The following CCSER1 variants were observed in gnomAD, a reference collection of about 807,000 sequenced individuals.
CCSER1 encodes serine-rich coiled-coil domain-containing protein 1.
A neutral mutation model predicts 82.0 loss-of-function variants in CCSER1; 41 were observed. That is an observed-to-expected ratio of 0.50 (90% confidence interval 0.39 to 0.65). The LOEUF (loss-of-function observed/expected upper bound fraction) is 0.65. Among genes scored for constraint, CCSER1 ranks in the 30% least tolerant of loss-of-function variants. The pLI is 0.00. For synonymous variants in CCSER1, 414 were observed against 383.9 expected (o/e 1.08, Z -0.92); for missense variants, 1,119 against 1,064.2 (o/e 1.05, Z -0.72).
At chr4:91,125,587 T>C (rs1727438346) in intron 10 of CCSER1, among the ~76,000 whole-genome samples, 1 of 151,764 alleles carries the variant, frequency 6.6e-6, no homozygotes, top group African/African-American at 2.4e-5. Context: ...AACACATGGA[T>C]TTTGTTTGAA....
intron 1 of CCSER1, among the ~76,000 whole-genome samples, chr4:90,242,002 T>C (rs1479832242): frequency 6.6e-6 from 1 of 152,080 alleles, no homozygotes; most frequent in Non-Finnish European, 1.5e-5. Context: ...TACCTTTATC[T>C]ACCATGAAAA....
intron 9 of CCSER1, among the ~76,000 whole-genome samples, chr4:90,956,944 C>CTTTTTT (rs35180536): frequency 7.7e-6 from 1 of 129,342 alleles, no homozygotes; most frequent in African/African-American, 2.9e-5. Context: ...CACAACCAGC[C>CTTTTTT]TTTTTTTTTT....
chr4:90,518,686 T>C (rs964730883), intron 5 of CCSER1, among the ~76,000 whole-genome samples: 3 of 151,998 alleles, frequency 2.0e-5, no homozygotes, highest in Non-Finnish European at 4.4e-5. Context: ...GAAAATATCA[T>C]CTCAAACTTT....
intron 3 of CCSER1, among the ~76,000 whole-genome samples, chr4:90,391,227 C>T (rs1469945744): frequency 4.6e-5 from 6 of 131,634 alleles, no homozygotes; most frequent in Non-Finnish European, 6.2e-5. Flanking sequence ...GAGCCGAGAT[C>T]GTGCCATTGC....
chr4:90,158,203 C>T (rs911342820), intron 1 of CCSER1, among the ~76,000 whole-genome samples: 111 of 152,272 alleles, frequency 7.3e-4, no homozygotes, highest in African/African-American at 2.6e-3. Flanking sequence ...TTTCGTGAAC[C>T]GCAAATGCTG....
chr4:90,771,565 T>TAAAAAAAAA (rs34848155), intron 7 of CCSER1, among the ~76,000 whole-genome samples: 5 of 98,348 alleles, frequency 5.1e-5, no homozygotes, highest in East Asian at 2.6e-4. Flanking sequence ...TGCCGGGCAC[T>TAAAAAAAAA]AAAAAAAAAA....
intron 5 of CCSER1, among the ~76,000 whole-genome samples, chr4:90,626,482 G>A (rs977048136): frequency 1.3e-4 from 20 of 152,250 alleles, no homozygotes; most frequent in Middle Eastern, 3.4e-3. Context: ...GTTGCAATTA[G>A]ACATAATATA....
intron 6 of CCSER1, among the ~76,000 whole-genome samples, chr4:90,704,515 T>C (rs1009628584): frequency 5.9e-5 from 9 of 152,222 alleles, no homozygotes; most frequent in African/African-American, 2.2e-4. Context: ...ATTTGAATGT[T>C]GGCCTGCCTT....
chr4:91,318,878 T>C (rs1293833829), intron 10 of CCSER1, among the ~76,000 whole-genome samples: 1 of 152,038 alleles, frequency 6.6e-6, no homozygotes, highest in Admixed American at 6.6e-5. Context: ...ATTGTGCATA[T>C]TCCCTCATTA....
intron 1 of CCSER1, 96 bp downstream of exon 1, chr4:90,127,927 G>C (rs1035183958): frequency 6.6e-5 from 10 of 151,796 alleles, no homozygotes; most frequent in Admixed American, 2.0e-4. Context: ...ATGACCGCTC[G>C]GCAGGTGACC....
At chr4:90,573,221 C>T (rs1402601812) in intron 5 of CCSER1, among the ~76,000 whole-genome samples, 2 of 152,232 alleles carry the variant, frequency 1.3e-5, no homozygotes, top group Non-Finnish European at 2.9e-5. Context: ...GCCTGAAGCA[C>T]AGTGCAGCTG....
intron 5 of CCSER1, among the ~76,000 whole-genome samples, chr4:90,596,267 T>G (rs908761034): frequency 1.3e-5 from 2 of 151,930 alleles, no homozygotes; most frequent in African/African-American, 4.8e-5. Context: ...GTCAAATTAT[T>G]TATGATCATT....
chr4:90,604,897 C>G (rs900541754), intron 5 of CCSER1, among the ~76,000 whole-genome samples: 2 of 152,148 alleles, frequency 1.3e-5, no homozygotes, highest in African/African-American at 4.8e-5. Context: ...GTAAAGTGGG[C>G]CAATCAGCTC....
At chr4:90,892,832 C>T (rs1377014491) in intron 8 of CCSER1, among the ~76,000 whole-genome samples, 2 of 152,046 alleles carry the variant, frequency 1.3e-5, no homozygotes, top group Non-Finnish European at 2.9e-5. Flanking sequence ...TTCTCTTCAC[C>T]TCCCATTGCA....
At chr4:90,532,853 C>T (rs547732052) in intron 5 of CCSER1, among the ~76,000 whole-genome samples, 1 of 152,144 alleles carries the variant, frequency 6.6e-6, no homozygotes, top group African/African-American at 2.4e-5. Flanking sequence ...TCCTCTACTT[C>T]TCCCAAGTAT....
At chr4:90,928,960 TA>T (rs1319139909) in intron 9 of CCSER1, among the ~76,000 whole-genome samples, 6 of 152,108 alleles carry the variant, frequency 3.9e-5, no homozygotes, top group Non-Finnish European at 8.8e-5. Context: ...GCAACTTCTA[TA>T]TCATATTCAT....
At chr4:91,250,946 C>G (rs977733619) in intron 10 of CCSER1, among the ~76,000 whole-genome samples, 1 of 152,042 alleles carries the variant, frequency 6.6e-6, no homozygotes, top group Non-Finnish European at 1.5e-5. Context: ...TTAAAAATTA[C>G]GACAATAGTG....
rs1375159828 is a variant in CCSER1 at position 91,441,722 on chromosome 4, C to T, written c.2218-156850C>T. Among the ~76,000 whole-genome samples, 21 of 152,208 alleles carry T rather than the reference C, an allele frequency of 1.4e-4. No individual in the cohort carries two copies. In the South Asian group the frequency reaches 3.9e-3, roughly 29 times the overall value. On this transcript the variant is annotated intron_variant, in intron 10 of 10. Coordinates refer to ENST00000509176, the MANE Select transcript of CCSER1 (RefSeq NM_001145065.2). ...GACATGACTGTATATCTAGAAAACC[C>T]CATTGTCTCAGCCCAAAATCTCCTT...
intron 10 of CCSER1, among the ~76,000 whole-genome samples, chr4:91,402,552 A>T (rs1424822698): frequency 6.6e-6 from 1 of 152,142 alleles, no homozygotes; most frequent in Non-Finnish European, 1.5e-5. Context: ...TCTTTAATCC[A>T]TCTTGAGTTA....
Sources: gnomAD v4.1 joint callset for allele counts (sites outside exome capture counted in the v4.1 genomes callset) on GRCh38, gnomAD v4.1.1 for gene constraint, MANE v1.5 for transcripts, NCBI Gene and HGNC (gene_info 2026-07-23, HGNC 2026-07-21) for gene names.